The following PIK3C2A variants were observed in gnomAD, a reference collection of about 807,000 sequenced individuals.
The protein encoded by PIK3C2A is phosphatidylinositol 4-phosphate 3-kinase C2 domain-containing subunit alpha.
PIK3C2A carries 97 observed loss-of-function variants against 204.5 expected under a neutral mutation model. The observed-to-expected ratio is 0.47, with a 90% CI of 0.40 to 0.56. PIK3C2A has a LOEUF of 0.56. Among genes scored for constraint, PIK3C2A ranks in the 20% least tolerant of loss-of-function variants. PIK3C2A has a pLI of 0.00. For missense variants in PIK3C2A, 1,735 were observed against 1,969.2 expected (o/e 0.88, Z 2.25); for synonymous variants, 653 against 664.4 (o/e 0.98, Z 0.26).
At chr11:17,171,728 T>G (rs956790650) in intron 1 of PIK3C2A, among the ~76,000 whole-genome samples, 3 of 152,216 alleles carry the variant, frequency 2.0e-5, no homozygotes, top group African/African-American at 4.8e-5. Context: ...TTGCTACATA[T>G]GCACAAAGCA....
intron 1 of PIK3C2A, among the ~76,000 whole-genome samples, chr11:17,180,616 G>C (rs184043596): frequency 3.0e-4 from 45 of 152,176 alleles, no homozygotes; most frequent in Non-Finnish European, 4.0e-4. Flanking sequence ...GAGGTCAGGA[G>C]TTCGAGACCA....
At chr11:17,144,934 T>G (rs1488616399) in intron 8 of PIK3C2A, among the ~76,000 whole-genome samples, 2 of 148,528 alleles carry the variant, frequency 1.3e-5, no homozygotes, top group African/African-American at 4.9e-5. Context: ...TCTTTAAGCT[T>G]TAATGACTGC....
Position 17,101,425 on chromosome 11 carries a change from A to G in PIK3C2A, c.3861T>C (p.Ala1287=). The stretch of plus-strand genomic sequence containing the variant: ...CCATATCAGAGGTCAGCACAAAAGG[A>G]GCCCGATCCCTATTTAAAATGAAAG... ...QMFGSFKRDR[A]PFVLTSDMAY... is the part of the protein sequence containing the mutation. Residue 1287 remains alanine, a synonymous_variant, in exon 25 of 33, where the codon GCT becomes GCC. Transcript: ENST00000691414. 1 of 1,511,086 alleles carries G rather than the reference A, an allele frequency of 6.6e-7. No individual in the cohort carries two copies. The highest frequency in any genetic ancestry group is 9.0e-7 in the Non-Finnish European group (1 of 1,113,312). 93.6% of individuals were successfully genotyped at this position (1,511,086 alleles called of 1,614,324 possible).
At chr11:17,096,091 C>A (rs1025046026) in intron 27 of PIK3C2A, among the ~76,000 whole-genome samples, 4 of 150,636 alleles carry the variant, frequency 2.7e-5, no homozygotes, top group Non-Finnish European at 4.4e-5. Flanking sequence ...CAGCCTGGAG[C>A]GCAATGGCAC....
Position 17,140,718 on chromosome 11 carries a change from A to T in PIK3C2A, c.1705-4093T>A, listed in dbSNP as rs184619710. On this transcript the variant is annotated intron_variant, in intron 8 of 32. Coordinates refer to ENST00000691414, the MANE Select transcript of PIK3C2A (RefSeq NM_002645.4). Reference sequence around the variant, plus strand: ...TTGGGAGTGATGAGAATGTTCTAAAACTGGATTGTGGTGATAATTATACAA... The same window carrying T: ...TTGGGAGTGATGAGAATGTTCTAAATCTGGATTGTGGTGATAATTATACAA... Among the ~76,000 whole-genome samples, 49 of 152,320 alleles carry T rather than the reference A, an allele frequency of 3.2e-4. 1 individual carries two copies. Among genetic ancestry groups the T allele is most frequent in the Non-Finnish European group, 1.2e-4 (8 of 68,026 alleles).
intron 1 of PIK3C2A, among the ~76,000 whole-genome samples, chr11:17,172,493 T>C (rs1851210024): frequency 6.6e-6 from 1 of 152,092 alleles, no homozygotes; most frequent in African/African-American, 2.4e-5. Flanking sequence ...GCAGAAGAAA[T>C]CACCAAGCTG....
At chr11:17,098,439 G>A (rs1848515967) in intron 26 of PIK3C2A, among the ~76,000 whole-genome samples, 1 of 152,214 alleles carries the variant, frequency 6.6e-6, no homozygotes, top group South Asian at 2.1e-4. Flanking sequence ...CAACAGTAAT[G>A]TAATTGGCTG....
chr11:17,207,129 T>C (rs1453961267), intron 1 of PIK3C2A, among the ~76,000 whole-genome samples: 1 of 152,244 alleles, frequency 6.6e-6, no homozygotes, highest in Non-Finnish European at 1.5e-5. Flanking sequence ...ATGTCGTTTT[T>C]AAAGCCAGAA....
In PIK3C2A at chr11:17,135,039, AG is replaced by A; in HGVS notation, c.1898-11del. 1 of 1,612,680 alleles carries A rather than the reference AG, an allele frequency of 6.2e-7. No individual in the cohort carries two copies. The highest frequency in any genetic ancestry group is 8.5e-7 in the Non-Finnish European group (1 of 1,178,958). On this transcript the variant is annotated splice_polypyrimidine_tract_variant and intron_variant, in intron 10 of 32. Coordinates refer to ENST00000691414, the MANE Select transcript of PIK3C2A (RefSeq NM_002645.4). The stretch of plus-strand genomic sequence containing the variant: ...TCAGGATTAAGTGAGCCTAGATTAA[AG>A]AAAAAAAAAGTTAATAGATTCTCTG...
intron 1 of PIK3C2A, among the ~76,000 whole-genome samples, chr11:17,197,487 C>CA (rs1195462439): frequency 2.0e-5 from 3 of 152,270 alleles, no homozygotes; most frequent in Admixed American, 2.0e-4. Context: ...TAGTAGTCTT[C>CA]AGCCCTTAGG....
intron 22 of PIK3C2A, among the ~76,000 whole-genome samples, chr11:17,106,671 T>A (rs1488530880): frequency 6.6e-6 from 1 of 152,118 alleles, no homozygotes; most frequent in Non-Finnish European, 1.5e-5. Flanking sequence ...TGAACTCCCA[T>A]CCTTCAGTGA....
chr11:17,089,597 T>C lies in PIK3C2A; in HGVS notation c.*141A>G, dbSNP rs990407725. 1 of 560,604 alleles carries C rather than the reference T, an allele frequency of 1.8e-6. No homozygotes were observed. The highest frequency in any genetic ancestry group is 3.1e-6 in the Non-Finnish European group (1 of 322,016). The allele number at this position is 560,604 out of a possible 1,614,324, so 34.7% of individuals were successfully genotyped here. On this transcript the variant is annotated 3_prime_UTR_variant, in exon 33 of 33. Coordinates refer to ENST00000691414, the MANE Select transcript of PIK3C2A (RefSeq NM_002645.4). Reference sequence around the variant, plus strand: ...CAGATGTGTTGAAATGCAGCAAGTATATTTAACTTTATAAGTTCTGTCCAA... The same window carrying C: ...CAGATGTGTTGAAATGCAGCAAGTACATTTAACTTTATAAGTTCTGTCCAA...
chr11:17,203,282 CAGG>C (rs1472772992), intron 1 of PIK3C2A, among the ~76,000 whole-genome samples: 2 of 150,200 alleles, frequency 1.3e-5, no homozygotes, highest in East Asian at 3.9e-4. Flanking sequence ...CGCTTGAGGC[CAGG>C]AGTTCAAGAC....
chr11:17,137,959 C>CA, intron 8 of PIK3C2A: 1 of 504,354 alleles, frequency 2.0e-6, no homozygotes, highest in Non-Finnish European at 3.6e-6. Flanking sequence ...TTTTATTACT[C>CA]AAAAAAGCTT....
At chr11:17,193,101 G>T (rs901102269) in intron 1 of PIK3C2A, among the ~76,000 whole-genome samples, 1 of 152,196 alleles carries the variant, frequency 6.6e-6, no homozygotes, top group Non-Finnish European at 1.5e-5. Context: ...CCTGCACTCT[G>T]TTAGGACACA....
chr11:17,137,038 A>G (rs1849894754), intron 8 of PIK3C2A, among the ~76,000 whole-genome samples: 1 of 152,228 alleles, frequency 6.6e-6, no homozygotes, highest in South Asian at 2.1e-4. Context: ...TCACATATTA[A>G]TAACACTGGG....
intron 1 of PIK3C2A, among the ~76,000 whole-genome samples, chr11:17,204,903 C>T (rs1340354287): frequency 2.0e-5 from 3 of 152,172 alleles, no homozygotes; most frequent in Non-Finnish European, 2.9e-5. Context: ...ATAGGCCAGG[C>T]GCAGTGGCTC....
intron 6 of PIK3C2A, among the ~76,000 whole-genome samples, chr11:17,146,283 G>C (rs1385677022): frequency 6.6e-6 from 1 of 152,090 alleles, no homozygotes; most frequent in Non-Finnish European, 1.5e-5. Context: ...AATGCATATG[G>C]GGTAGAAAAC....
chr11:17,109,232 A>C (rs1367168753), intron 22 of PIK3C2A, among the ~76,000 whole-genome samples: 1 of 152,240 alleles, frequency 6.6e-6, no homozygotes, highest in Non-Finnish European at 1.5e-5. Flanking sequence ...TTAAAACCTG[A>C]TGGTATTGCC....
Sources: gnomAD v4.1 joint callset for allele counts (sites outside exome capture counted in the v4.1 genomes callset) on GRCh38, gnomAD v4.1.1 for gene constraint, MANE v1.5 for transcripts, NCBI Gene and HGNC (gene_info 2026-07-23, HGNC 2026-07-21) for gene names.